The following SCN8A variants were observed in gnomAD, a reference collection of about 807,000 sequenced individuals.
SCN8A encodes the protein sodium voltage-gated channel alpha subunit 8.
Under a neutral mutation model 184.1 loss-of-function variants are expected in SCN8A, and 30 were observed. The observed-to-expected ratio is 0.16, with a 90% CI of 0.12 to 0.22. The LOEUF (loss-of-function observed/expected upper bound fraction) is 0.22. SCN8A is among the 10% of genes least tolerant of loss of function. The pLI is 1.00. For synonymous variants in SCN8A, 852 were observed against 907.0 expected, an observed-to-expected ratio of 0.94 and a Z score of 1.09; for missense variants, 1,057 against 2,498.9, an observed-to-expected ratio of 0.42 and a Z score of 12.30.
chr12:51,644,951 C>T (rs1166191856), intron 1 of SCN8A, among the ~76,000 whole-genome samples: 1 of 147,268 alleles, frequency 6.8e-6, no homozygotes, highest in East Asian at 2.1e-4. Context: ...AGTGAGGAGC[C>T]CCTCCGCCCA....
intron 1 of SCN8A, among the ~76,000 whole-genome samples, chr12:51,624,388 T>A (rs1341895779): frequency 6.6e-6 from 1 of 152,188 alleles, no homozygotes. Flanking sequence ...TTTCATGTGT[T>A]TTTTGGCTGC....
chr12:51,676,224 A>AATGCATTCCAGT (rs1172965646), intron 2 of SCN8A, among the ~76,000 whole-genome samples: 5 of 152,280 alleles, frequency 3.3e-5, no homozygotes, highest in Middle Eastern at 3.4e-3. Flanking sequence ...GTACTCTGGA[A>AATGCATTCCAGT]ATGCATTCCA....
intron 6 of SCN8A, 79 bp from the exon 7 acceptor site, chr12:51,699,491 G>A: frequency 9.8e-7 from 1 of 1,018,472 alleles, no homozygotes; most frequent in Admixed American, 2.4e-5. Context: ...AGGAGTAGCA[G>A]CCAGTGGCTA....
At chr12:51,595,747 G>C (rs1204299409) in intron 1 of SCN8A, among the ~76,000 whole-genome samples, 1 of 152,130 alleles carries the variant, frequency 6.6e-6, no homozygotes, top group Non-Finnish European at 1.5e-5. Context: ...GGATTTAGCA[G>C]CTTAATGTGT....
intron 1 of SCN8A, among the ~76,000 whole-genome samples, chr12:51,653,750 TC>T (rs1175572914): frequency 6.6e-6 from 1 of 152,200 alleles, no homozygotes; most frequent in Non-Finnish European, 1.5e-5. Context: ...AGTAATGTTT[TC>T]TATAGCAGCT....
intron 2 of SCN8A, among the ~76,000 whole-genome samples, chr12:51,669,360 A>T (rs1247779843): frequency 2.0e-5 from 3 of 152,254 alleles, no homozygotes; most frequent in Non-Finnish European, 4.4e-5. Context: ...TTTGCAAAAT[A>T]GAGTTAGACC....
chr12:51,668,289 G>C (rs1565880436), intron 2 of SCN8A, among the ~76,000 whole-genome samples: 1 of 151,856 alleles, frequency 6.6e-6, no homozygotes, highest in Non-Finnish European at 1.5e-5. Context: ...TAGAATAATA[G>C]AAAATTATAA....
intron 1 of SCN8A, among the ~76,000 whole-genome samples, chr12:51,651,409 T>C (rs1940711633): frequency 6.6e-6 from 1 of 152,250 alleles, no homozygotes; most frequent in Non-Finnish European, 1.5e-5. Context: ...TTCTCTATGT[T>C]GGCCAGGCTG....
intron 1 of SCN8A, among the ~76,000 whole-genome samples, chr12:51,633,590 C>T (rs1474437800): frequency 6.6e-6 from 1 of 152,176 alleles, no homozygotes; most frequent in Non-Finnish European, 1.5e-5. Flanking sequence ...GAAAAAGGTT[C>T]TCCTGCTGTG....
intron 12 of SCN8A, among the ~76,000 whole-genome samples, chr12:51,737,895 C>T (rs962176474): frequency 6.6e-6 from 1 of 152,138 alleles, no homozygotes; most frequent in Non-Finnish European, 1.5e-5. Context: ...TTCTTAATTA[C>T]GAAAACTGGA....
intron 2 of SCN8A, among the ~76,000 whole-genome samples, chr12:51,663,595 C>T (rs1940968509): frequency 6.6e-6 from 1 of 152,150 alleles, no homozygotes; most frequent in Non-Finnish European, 1.5e-5. Context: ...AGGACAGACC[C>T]AGGTCATTGG....
intron 26 of SCN8A, among the ~76,000 whole-genome samples, chr12:51,796,248 G>A (rs896340457): frequency 3.3e-5 from 5 of 152,128 alleles, no homozygotes; most frequent in African/African-American, 1.2e-4. Context: ...GCACAGAGAG[G>A]TTCCCAAGAC....
At chr12:51,789,567 C>T in intron 24 of SCN8A, 149 bp downstream of exon 24, 11 of 866,700 alleles carry the variant, frequency 1.3e-5, no homozygotes, top group Non-Finnish European at 1.8e-6. Context: ...ATACGTTAGC[C>T]CCAACCCACT....
At chr12:51,650,468 A>G (rs1269417100) in intron 1 of SCN8A, among the ~76,000 whole-genome samples, 2 of 150,128 alleles carry the variant, frequency 1.3e-5, no homozygotes, top group Non-Finnish European at 3.0e-5. Flanking sequence ...CACATGGCTG[A>G]GGAGGCCTCA....
chr12:51,756,835 G>T (rs766574470), intron 14 of SCN8A, among the ~76,000 whole-genome samples: 1 of 152,212 alleles, frequency 6.6e-6, no homozygotes, highest in South Asian at 2.1e-4. Flanking sequence ...TCAGGAGGAA[G>T]GGGATGGAAA....
chr12:51,774,708 C>T (rs1009006049), intron 20 of SCN8A, among the ~76,000 whole-genome samples: 2 of 152,076 alleles, frequency 1.3e-5, no homozygotes, highest in South Asian at 4.1e-4. Flanking sequence ...AGGATGTCTT[C>T]TTTTTGTGGC....
At chr12:51,633,458 A>C (rs1346486059) in intron 1 of SCN8A, among the ~76,000 whole-genome samples, 1 of 151,994 alleles carries the variant, frequency 6.6e-6, no homozygotes, top group African/African-American at 2.4e-5. Context: ...ATCTTCATCA[A>C]CTGTTTGGCC....
rs139001527 is a variant in SCN8A, at chr12:51,699,286, A to T, written c.707-284A>T. Among the ~76,000 whole-genome samples, 557 of 152,358 alleles carry T rather than the reference A, an allele frequency of 3.7e-3. 2 individuals are homozygous for T. Among genetic ancestry groups the T allele is most frequent in the African/African-American group, 0.013 (527 of 41,594 alleles). On this transcript the variant is annotated intron_variant, in intron 6 of 26. Transcript: ENST00000627620. ...AAGAGCTGGGCTCATATGGGGAACC[A>T]AAAAGTAGTCAGAGATGGGAAAGTG...
intron 14 of SCN8A, among the ~76,000 whole-genome samples, chr12:51,753,625 T>A (rs1247839898): frequency 6.6e-6 from 1 of 152,232 alleles, no homozygotes; most frequent in Non-Finnish European, 1.5e-5. Context: ...TCAGAAGATT[T>A]GGGTTTTCAT....
Sources: allele counts gnomAD v4.1 joint callset (sites outside exome capture counted in the v4.1 genomes callset), GRCh38; gene constraint gnomAD v4.1.1; transcripts MANE v1.5; gene names NCBI Gene and HGNC (gene_info 2026-07-23, HGNC 2026-07-21).